PDE4D: variants seen among roughly 807,000 people sequenced by gnomAD.
The protein encoded by PDE4D is 3',5'-cyclic-AMP phosphodiesterase 4D.
A neutral mutation model predicts 87.4 loss-of-function variants in PDE4D; 24 were observed. That is an observed-to-expected ratio of 0.27 (90% CI 0.20 to 0.39). PDE4D has a LOEUF of 0.39. PDE4D is among the 10% of genes least tolerant of loss of function. PDE4D has a pLI of 1.00. For missense variants in PDE4D, 714 were observed against 1,041.0 expected, an observed-to-expected ratio of 0.69 and a Z score of 4.32; for synonymous variants, 384 against 383.2, an observed-to-expected ratio of 1.00 and a Z score of -0.02.
chr5:59,389,597 G>T (rs755729542), intron 1 of PDE4D, among the ~76,000 whole-genome samples: 2 of 152,022 alleles, frequency 1.3e-5, no homozygotes, highest in African/African-American at 2.4e-5. Flanking sequence ...CCACCACTAG[G>T]AATTTATTCA....
chr5:58,974,521 G>T lies in PDE4D; in HGVS notation c.*143C>A. 1.4e-6 allele frequency: 1 copy of T among 691,128 alleles called. No individual in the cohort carries two copies. The highest frequency in any genetic ancestry group is 2.4e-6 in the Non-Finnish European group (1 of 419,452). 42.8% of individuals were successfully genotyped at this position (691,128 alleles called of 1,614,324 possible). ...CTGGTTACGATATTCCTGAGCGCTG[G>T]ACTGAGTAGTCAAGGTCAGTTTTGT... On this transcript the variant is annotated 3_prime_UTR_variant, in exon 15 of 15. Coordinates refer to ENST00000340635, the MANE Select transcript of PDE4D (RefSeq NM_001104631.2).
At chr5:60,164,326 G>A (rs760967981) in intron 2 of PDE4D, among the ~76,000 whole-genome samples, 1 of 152,030 alleles carries the variant, frequency 6.6e-6, no homozygotes, top group Non-Finnish European at 1.5e-5. Flanking sequence ...AAAGGCACTG[G>A]TCAACAAATA....
intron 3 of PDE4D, among the ~76,000 whole-genome samples, chr5:59,189,605 T>C (rs1743851492): frequency 6.6e-6 from 1 of 152,084 alleles, no homozygotes; most frequent in Non-Finnish European, 1.5e-5. Context: ...AAGAGTTTCC[T>C]ACAGTTTATC....
intron 5 of PDE4D, among the ~76,000 whole-genome samples, chr5:59,102,196 C>A (rs751880601): frequency 6.7e-6 from 1 of 150,182 alleles, no homozygotes; most frequent in Non-Finnish European, 1.5e-5. Context: ...AAGCGATTCT[C>A]CTGCCTCAGC....
chr5:59,862,947 G>T (rs1240212762), intron 1 of PDE4D, among the ~76,000 whole-genome samples: 1 of 152,068 alleles, frequency 6.6e-6, no homozygotes, highest in Non-Finnish European at 1.5e-5. Context: ...AGGACTTCTG[G>T]ACTAAGATTA....
chr5:59,924,166 A>G (rs184365701), intron 3 of PDE4D, among the ~76,000 whole-genome samples: 2 of 152,282 alleles, frequency 1.3e-5, no homozygotes, highest in African/African-American at 4.8e-5. Context: ...ATTTGAAAGT[A>G]CACAGTCAGA....
At position 59,856,058 on chromosome 5, in the gene PDE4D, T is replaced by C. The variant is rs576957090; in HGVS notation, c.455+37110A>G. Among the ~76,000 whole-genome samples the C allele has an allele frequency of 2.0e-4, 30 of 152,286 alleles. 1 individual carries two copies. The South Asian group carries it at 2.3e-3, about 12-fold the overall frequency. ...AATCCGATGTGAAAAGTAGACTGAA[T>C]GTAGAGCTCATAATTCTACTTCAAT... On this transcript the variant is annotated intron_variant, in intron 1 of 14. Transcript: ENST00000340635.
intron 2 of PDE4D, among the ~76,000 whole-genome samples, chr5:59,997,960 T>G (rs1197738045): frequency 9.2e-5 from 14 of 152,208 alleles, no homozygotes; most frequent in Admixed American, 9.2e-4. Flanking sequence ...TTGCCTGGAA[T>G]GAGAACAGCA....
At chr5:60,417,453 C>T (rs1742705550) in intron 1 of PDE4D, among the ~76,000 whole-genome samples, 1 of 152,184 alleles carries the variant, frequency 6.6e-6, no homozygotes, top group African/African-American at 2.4e-5. Flanking sequence ...GCCAGTAGTA[C>T]CAGTTAATAC....
chr5:59,019,827 T>G (rs942528604), intron 6 of PDE4D, among the ~76,000 whole-genome samples: 1 of 152,284 alleles, frequency 6.6e-6, no homozygotes, highest in Middle Eastern at 3.4e-3. Context: ...CAGGCTTACA[T>G]TATATGGCTG....
intron 5 of PDE4D, among the ~76,000 whole-genome samples, chr5:59,101,805 G>A (rs2153433859): frequency 1.3e-5 from 2 of 152,022 alleles, no homozygotes; most frequent in East Asian, 3.9e-4. Flanking sequence ...TCACATTTAA[G>A]TAGGAGAGGA....
chr5:59,735,607 T>C (rs918131656), intron 1 of PDE4D, among the ~76,000 whole-genome samples: 1 of 152,196 alleles, frequency 6.6e-6, no homozygotes, highest in Admixed American at 6.5e-5. Context: ...TTAGATGGAA[T>C]AGATTTAGTT....
At chr5:59,421,087 T>G (rs531230807) in intron 1 of PDE4D, among the ~76,000 whole-genome samples, 1 of 152,270 alleles carries the variant, frequency 6.6e-6, no homozygotes, top group Non-Finnish European at 1.5e-5. Context: ...CAAACTGAAG[T>G]TTATACATTT....
chr5:60,515,601 C>CTTTTTTTTTTTTTTT lies in PDE4D; in HGVS notation n.70+6435_70+6449dup, dbSNP rs954970783. ...CTGAGCTTTCTTTCCTTTTCTTTTTCTTTTTTTTTTTTTTTTTTCTGTCAG... is the reference window on the plus strand; with the variant it reads ...CTGAGCTTTCTTTCCTTTTCTTTTTCTTTTTTTTTTTTTTTTTTTTTTTTTTTTTTTTTCTGTCAG... On this transcript the variant is annotated intron_variant and non_coding_transcript_variant, in intron 1 of 2. Coordinates refer to the PDE4D transcript ENST00000506510. 3.2e-3 allele frequency among the ~76,000 whole-genome samples: 340 copies of CTTTTTTTTTTTTTTT among 106,732 alleles called. 2 individuals carry two copies. Among genetic ancestry groups the CTTTTTTTTTTTTTTT allele is most frequent in the African/African-American group, 9.5e-3 (297 of 31,376 alleles). The allele number at this position is 106,732 out of a possible 152,430, so 70.0% of individuals were successfully genotyped here.
intron 1 of PDE4D, among the ~76,000 whole-genome samples, chr5:60,389,620 G>T (rs2150023790): frequency 6.6e-6 from 1 of 152,276 alleles, no homozygotes; most frequent in South Asian, 2.1e-4. Flanking sequence ...GCCATGTAAT[G>T]TCGGCTGGAA....
chr5:59,573,608 T>A (rs1822253654), intron 1 of PDE4D, among the ~76,000 whole-genome samples: 1 of 152,138 alleles, frequency 6.6e-6, no homozygotes, highest in Admixed American at 6.5e-5. Flanking sequence ...ATTCTTCTTC[T>A]GTTATGCAGA....
At chr5:60,252,868 G>A (rs1164568855) in intron 1 of PDE4D, among the ~76,000 whole-genome samples, 2 of 151,754 alleles carry the variant, frequency 1.3e-5, no homozygotes, top group Admixed American at 1.3e-4. Flanking sequence ...CATCTCGAGG[G>A]AAGAGCTATA....
chr5:60,174,001 A>G (rs1306128830), intron 2 of PDE4D, among the ~76,000 whole-genome samples: 1 of 152,176 alleles, frequency 6.6e-6, no homozygotes, highest in Non-Finnish European at 1.5e-5. Flanking sequence ...AATATAATAG[A>G]AAATATTTAG....
intron 1 of PDE4D, among the ~76,000 whole-genome samples, chr5:60,338,882 C>T (rs1281038597): frequency 3.3e-5 from 5 of 152,088 alleles, no homozygotes; most frequent in East Asian, 1.9e-4. Context: ...GGGCTCTATA[C>T]GACAGTCCCC....
Sources: gnomAD v4.1 joint callset for allele counts (sites outside exome capture counted in the v4.1 genomes callset) on GRCh38, gnomAD v4.1.1 for gene constraint, MANE v1.5 for transcripts, NCBI Gene and HGNC (gene_info 2026-07-23, HGNC 2026-07-21) for gene names.